CCDC91: variants seen among roughly 807,000 people sequenced by gnomAD.
The protein encoded by CCDC91 is coiled-coil domain containing 91.
CCDC91 carries 48 observed loss-of-function variants against 63.2 expected under a neutral mutation model. The observed-to-expected ratio is 0.76, with a 90% CI of 0.60 to 0.97. CCDC91 has a LOEUF of 0.97. CCDC91 is among the 50% of genes least tolerant of loss of function. CCDC91 has a pLI of 0.00. For missense variants in CCDC91, 500 were observed against 494.6 expected, an observed-to-expected ratio of 1.01 and a Z score of -0.10; for synonymous variants, 167 against 165.8, an observed-to-expected ratio of 1.01 and a Z score of -0.06.
intron 12 of CCDC91, among the ~76,000 whole-genome samples, chr12:28,510,288 G>A (rs911465083): frequency 7.3e-6 from 1 of 137,054 alleles, no homozygotes; most frequent in African/African-American, 2.6e-5. Flanking sequence ...AGGACTGGCT[G>A]TCATGATTCT....
chr12:28,350,173 A>G (rs571234440), intron 6 of CCDC91, among the ~76,000 whole-genome samples: 14 of 152,338 alleles, frequency 9.2e-5, no homozygotes, highest in African/African-American at 3.1e-4. Flanking sequence ...AAAACAAAAC[A>G]AAACAGAAAA....
At chr12:28,239,474 T>G (rs561878049) in intron 1 of CCDC91, among the ~76,000 whole-genome samples, 1 of 152,306 alleles carries the variant, frequency 6.6e-6, no homozygotes, top group East Asian at 1.9e-4. Flanking sequence ...CAAGCAGTGT[T>G]CATACTCTTT....
At chr12:28,321,856 ATAG>A (rs1940535193) in intron 6 of CCDC91, among the ~76,000 whole-genome samples, 1 of 151,854 alleles carries the variant, frequency 6.6e-6, no homozygotes, top group Non-Finnish European at 1.5e-5. Context: ...ATTTAAAGCT[ATAG>A]TGTATTGTAT....
intron 12 of CCDC91, among the ~76,000 whole-genome samples, chr12:28,486,410 T>C (rs1402293230): frequency 6.6e-6 from 1 of 152,162 alleles, no homozygotes; most frequent in African/African-American, 2.4e-5. Flanking sequence ...TCCACATTTT[T>C]AGTGTCTAGT....
chr12:28,272,369 C>T lies in CCDC91; in HGVS notation c.109+12927C>T, dbSNP rs140267011. Among the ~76,000 whole-genome samples the T allele has an allele frequency of 1.1e-4, 16 of 149,428 alleles. No homozygotes were observed. The East Asian group carries it at 2.9e-3, about 27-fold the overall frequency. On this transcript the variant is annotated intron_variant, in intron 3 of 12. Transcript: ENST00000536442. Reference sequence around the variant, plus strand: ...TGTTTTTACCAATGTTGTTGTTGCTCCATTCTCTTTCTCCTTCTGGAACTC... The same window carrying T: ...TGTTTTTACCAATGTTGTTGTTGCTTCATTCTCTTTCTCCTTCTGGAACTC...
chr12:28,413,520 T>A (rs779090178), intron 8 of CCDC91, among the ~76,000 whole-genome samples: 26 of 152,350 alleles, frequency 1.7e-4, no homozygotes, highest in Non-Finnish European at 3.2e-4. Flanking sequence ...TTTTTAATAG[T>A]TTTACTTATT....
chr12:28,301,457 A>G (rs1938071031), intron 3 of CCDC91, among the ~76,000 whole-genome samples: 1 of 151,368 alleles, frequency 6.6e-6, no homozygotes, highest in African/African-American at 2.4e-5. Context: ...TGCTGGATTC[A>G]TTTTTTTAAT....
chr12:28,473,069 A>G (rs1416697778), intron 11 of CCDC91, among the ~76,000 whole-genome samples: 1 of 152,180 alleles, frequency 6.6e-6, no homozygotes, highest in African/African-American at 2.4e-5. Context: ...GATAAGTGCT[A>G]TTGTGCATTG....
intron 12 of CCDC91, among the ~76,000 whole-genome samples, chr12:28,506,888 G>A (rs1203978716): frequency 8.6e-5 from 13 of 150,380 alleles, no homozygotes; most frequent in South Asian, 4.2e-4. Context: ...AAACCAAAAC[G>A]ATAAAAAACA....
Position 28,502,121 on chromosome 12 carries a change from C to T in CCDC91, c.1215+17956C>T, listed in dbSNP as rs546269192. On this transcript the variant is annotated intron_variant, in intron 12 of 12. Coordinates refer to ENST00000536442, the MANE Select transcript of CCDC91 (RefSeq NM_018318.5). ...TTTTCTTCTTTATTAGTCTTGCTAGCGGTCTATCAATTCTGTTGATCCTTT... is the reference window on the plus strand; with the variant it reads ...TTTTCTTCTTTATTAGTCTTGCTAGTGGTCTATCAATTCTGTTGATCCTTT... Among the ~76,000 whole-genome samples, 36 of 151,792 alleles carry T rather than the reference C, an allele frequency of 2.4e-4. No homozygotes were observed. In the East Asian group the frequency reaches 3.5e-3, roughly 15 times the overall value.
chr12:28,460,680 C>T (rs1390051140), intron 11 of CCDC91, among the ~76,000 whole-genome samples: 1 of 149,672 alleles, frequency 6.7e-6, no homozygotes, highest in Non-Finnish European at 1.5e-5. Context: ...GGAACTGAAG[C>T]GTTTAGCCTT....
intron 3 of CCDC91, among the ~76,000 whole-genome samples, chr12:28,274,435 A>T (rs1338515612): frequency 7.9e-5 from 12 of 152,100 alleles, no homozygotes; most frequent in Admixed American, 1.3e-4. Flanking sequence ...CTTGGGAAGT[A>T]TGGCCATTTT....
intron 4 of CCDC91, among the ~76,000 whole-genome samples, chr12:28,306,132 T>C (rs951488929): frequency 6.6e-6 from 1 of 152,112 alleles, no homozygotes; most frequent in South Asian, 2.1e-4. Flanking sequence ...GTATTTCTCT[T>C]TTCAGCGAAT....
intron 8 of CCDC91, among the ~76,000 whole-genome samples, chr12:28,444,860 TA>T (rs1034004343): frequency 2.8e-5 from 4 of 142,212 alleles, no homozygotes; most frequent in African/African-American, 8.1e-5. Flanking sequence ...TTTTTTTTTT[TA>T]AAAGCAGTTC....
At chr12:28,469,187 C>A (rs1247906196) in intron 11 of CCDC91, among the ~76,000 whole-genome samples, 3 of 151,568 alleles carry the variant, frequency 2.0e-5, no homozygotes, top group Non-Finnish European at 2.9e-5. Context: ...TTGGAAAAAA[C>A]CTAAAGATTC....
chr12:28,212,556 A>C (rs1461817090), intron 1 of CCDC91, among the ~76,000 whole-genome samples: 2 of 152,200 alleles, frequency 1.3e-5, no homozygotes, highest in African/African-American at 4.8e-5. Context: ...TCAACCTATT[A>C]AGATAGGTGC....
At chr12:28,439,570 A>G (rs898632074) in intron 8 of CCDC91, among the ~76,000 whole-genome samples, 1 of 152,124 alleles carries the variant, frequency 6.6e-6, no homozygotes, top group Non-Finnish European at 1.5e-5. Flanking sequence ...TTGTGGATGT[A>G]TGGTCAGTGG....
chr12:28,377,237 C>A (rs1264124723), intron 7 of CCDC91, among the ~76,000 whole-genome samples: 1 of 151,312 alleles, frequency 6.6e-6, no homozygotes, highest in Non-Finnish European at 1.5e-5. Flanking sequence ...GTGATTTTCA[C>A]AAGTTGTTTT....
At chr12:28,240,028 GCA>G (rs1334927700) in intron 1 of CCDC91, among the ~76,000 whole-genome samples, 5 of 152,088 alleles carry the variant, frequency 3.3e-5, no homozygotes, top group Admixed American at 1.3e-4. Context: ...TTGTAATTTT[GCA>G]TAGGCATTGG....
Sources: allele counts gnomAD v4.1 joint callset (sites outside exome capture counted in the v4.1 genomes callset), GRCh38; gene constraint gnomAD v4.1.1; transcripts MANE v1.5; gene names NCBI Gene and HGNC (gene_info 2026-07-23, HGNC 2026-07-21).